CPN1: variants seen among roughly 807,000 people sequenced by gnomAD.
The protein encoded by CPN1 is carboxypeptidase N catalytic chain.
A neutral mutation model predicts 46.4 loss-of-function variants in CPN1; 37 were observed. That is an observed-to-expected ratio of 0.80 (90% CI 0.61 to 1.05). The LOEUF is 1.05. Among genes scored for constraint, CPN1 ranks in the 50% least tolerant of loss-of-function variants. The pLI is 0.00. For missense variants in CPN1, 563 were observed against 602.6 expected (o/e 0.93, Z 0.69); for synonymous variants, 224 against 235.4 (o/e 0.95, Z 0.44).
chr10:100,061,002 T>C (rs1442601315), intron 5 of CPN1, among the ~76,000 whole-genome samples: 1 of 151,814 alleles, frequency 6.6e-6, no homozygotes, highest in Admixed American at 6.6e-5. Flanking sequence ...AGACTTTGCA[T>C]GTTCTTTCTC....
chr10:100,074,768 A>T (rs2041504916), intron 2 of CPN1, among the ~76,000 whole-genome samples: 1 of 152,126 alleles, frequency 6.6e-6, no homozygotes, highest in Non-Finnish European at 1.5e-5. Flanking sequence ...CCATTGCATA[A>T]GGCAGATCGA....
intron 8 of CPN1, among the ~76,000 whole-genome samples, chr10:100,043,400 GA>G (rs11395382): frequency 4.8e-5 from 7 of 147,272 alleles, no homozygotes; most frequent in South Asian, 2.2e-4. Context: ...ATCTCAAAAA[GA>G]AAAAAAAAAG....
Position 100,042,522 on chromosome 10 carries a change from C to A in CPN1, c.1282G>T (p.Ala428Ser), listed in dbSNP as rs147639368. The A allele has an allele frequency of 2.6e-5, 42 of 1,613,696 alleles. No homozygotes were observed. In the African/African-American group the frequency reaches 2.7e-4, roughly 10 times the overall value. Residue 428 changes from alanine to serine, a missense_variant, in exon 9 of 9, where the codon GCT becomes TCT. Ala to Ser is a moderately conservative substitution (Grantham distance 99). Coordinates refer to ENST00000370418, the MANE Select transcript of CPN1 (RefSeq NM_001308.3). ...SIPQVSPVRR[A>S]PSRRHGVRAK... is the part of the protein sequence containing the mutation. Reference sequence around the variant, plus strand: ...CTGACTCCGTGCCTTCTGCTGGGAGCTCTCCTCACAGGGCTTACTTGAGGG... The same window carrying A: ...CTGACTCCGTGCCTTCTGCTGGGAGATCTCCTCACAGGGCTTACTTGAGGG...
At chr10:100,077,485 C>G (rs1445242172) in intron 1 of CPN1, among the ~76,000 whole-genome samples, 2 of 152,134 alleles carry the variant, frequency 1.3e-5, no homozygotes, top group East Asian at 3.8e-4. Flanking sequence ...CCCGCCTTGG[C>G]CTCCCAAAGT....
At position 100,069,805 on chromosome 10, in the gene CPN1, T is replaced by C. The variant is rs750449248; in HGVS notation, c.485A>G (p.Asn162Ser). The C allele has an allele frequency of 1.4e-5, 22 of 1,613,840 alleles. No homozygotes were observed. The highest frequency in any genetic ancestry group is 2.2e-5 in the South Asian group (2 of 91,074). Residue 162 changes from asparagine (N) to serine (S), a missense_variant, in exon 3 of 9, where the codon AAC (asparagine) becomes AGC (serine). Physicochemically the swap from Asn to Ser is conservative, Grantham distance 46. Transcript: ENST00000370418. ...NNANGVDLNR[N>S]FPDLNTYIYY... ...GATATAGGTATTGAGATCAGGGAAG[T>C]TGCGGTTCAGGTCCACTCCATTTGC...
At chr10:100,071,869 A>C (rs2041487652) in intron 2 of CPN1, among the ~76,000 whole-genome samples, 1 of 152,222 alleles carries the variant, frequency 6.6e-6, no homozygotes, top group Non-Finnish European at 1.5e-5. Flanking sequence ...TGAGCATCCA[A>C]GGATTTTGAT....
At chr10:100,069,292 G>A (rs1167152203) in intron 3 of CPN1, among the ~76,000 whole-genome samples, 1 of 152,206 alleles carries the variant, frequency 6.6e-6, no homozygotes, top group Non-Finnish European at 1.5e-5. Context: ...GACCAGCCTG[G>A]TCAAACGGTG....
chr10:100,080,775 C>T (rs1039191289), intron 1 of CPN1, among the ~76,000 whole-genome samples: 19 of 151,964 alleles, frequency 1.3e-4, no homozygotes, highest in Non-Finnish European at 2.9e-5. Flanking sequence ...TGCCTGTGGT[C>T]CCAGCTACCT....
chr10:100,067,880 G>A (rs1452346392), intron 3 of CPN1, among the ~76,000 whole-genome samples: 3 of 152,098 alleles, frequency 2.0e-5, no homozygotes, highest in Non-Finnish European at 4.4e-5. Context: ...GGGGCCAGGT[G>A]TGGTGGCTCA....
At chr10:100,066,999 A>T (rs74152966) in intron 3 of CPN1, among the ~76,000 whole-genome samples, 6,820 of 152,260 alleles carry the variant, frequency 0.045, 281 homozygotes, top group African/African-American at 0.11. Flanking sequence ...TAGACAGAGG[A>T]TTGAGTGGGA....
At chr10:100,070,167 A>T (rs1360249122) in intron 2 of CPN1, among the ~76,000 whole-genome samples, 5 of 151,532 alleles carry the variant, frequency 3.3e-5, no homozygotes, top group Non-Finnish European at 7.4e-5. Flanking sequence ...GGCTCAAGTG[A>T]TCCACCCACC....
chr10:100,048,997 C>T (rs1205897660), intron 7 of CPN1, 121 bp from the exon 8 acceptor site: 2 of 708,752 alleles, frequency 2.8e-6, no homozygotes, highest in African/African-American at 1.8e-5. Context: ...CTTGCTCTGT[C>T]ACCCAGGCTG....
chr10:100,078,123 A>G (rs2133450119), intron 1 of CPN1, among the ~76,000 whole-genome samples: 1 of 152,084 alleles, frequency 6.6e-6, no homozygotes, highest in South Asian at 2.1e-4. Context: ...ATAGCTCAGG[A>G]TAGCCTCTCG....
At chr10:100,055,755 C>CTCAGG (rs2041381691) in intron 6 of CPN1, among the ~76,000 whole-genome samples, 1 of 152,200 alleles carries the variant, frequency 6.6e-6, no homozygotes, top group African/African-American at 2.4e-5. Context: ...AACTCCCAAA[C>CTCAGG]TCAGGTGATC....
At position 100,065,233 on chromosome 10, in the gene CPN1, G is replaced by C. The variant is rs772717849; in HGVS notation, c.714C>G (p.Arg238=). 4.6e-5 allele frequency: 75 copies of C among 1,613,998 alleles called. No individual in the cohort carries two copies. The highest frequency in any genetic ancestry group is 6.0e-5 in the Non-Finnish European group (71 of 1,180,004). Reference sequence around the variant, plus strand: ...CAGGCGTGGGGGTGCTGGCGGTGCGGCGGACCCCTCGGACCCGGTGCTCAA... The same window carrying C: ...CAGGCGTGGGGGTGCTGGCGGTGCGCCGGACCCCTCGGACCCGGTGCTCAA... ...KSFEHRVRGV[R]RTASTPTPDD... The change falls in exon 4 of 9, where the codon CGC becomes CGG. Residue 238 remains arginine (R), a synonymous_variant. Transcript: ENST00000370418.
At chr10:100,063,261 C>G (rs1433037953) in intron 5 of CPN1, among the ~76,000 whole-genome samples, 2 of 152,098 alleles carry the variant, frequency 1.3e-5, no homozygotes, top group African/African-American at 4.8e-5. Context: ...GCTGGGACTA[C>G]AGGCGCCCGC....
In CPN1 at chr10:100,081,473, A is replaced by G. The variant is rs758431094; in HGVS notation, c.153T>C (p.Ile51=). The stretch of plus-strand genomic sequence containing the variant: ...GGTGTCTCCCCTCCACGCTGCGCCC[A>G]ATGCTGTAGACCCGCGTGATGCCGG... ...ECPGITRVYS[I]GRSVEGRHLY... The change falls in exon 1 of 9, where the codon ATT becomes ATC. Residue 51 remains isoleucine (I), a synonymous_variant. Coordinates refer to ENST00000370418, the MANE Select transcript of CPN1 (RefSeq NM_001308.3). 3 of 1,614,046 alleles carry G rather than the reference A, an allele frequency of 1.9e-6. No homozygotes were observed. Among genetic ancestry groups the G allele is most frequent in the Non-Finnish European group, 1.7e-6 (2 of 1,180,026 alleles).
In CPN1 at chr10:100,063,287, A is replaced by C. The variant is rs1265697256; in HGVS notation, c.871+327T>G. 2.0e-5 allele frequency among the ~76,000 whole-genome samples: 3 copies of C among 151,688 alleles called. No homozygotes were observed. In the East Asian group the frequency reaches 5.9e-4, roughly 30 times the overall value. ...AGGCGCCCGCCACCACACCCGGCTA[A>C]TTTTTTCATATTTTTAGTAGAGACG... On this transcript the variant is annotated intron_variant, in intron 5 of 8. Coordinates refer to ENST00000370418, the MANE Select transcript of CPN1 (RefSeq NM_001308.3).
At chr10:100,064,716 A>G (rs2041442948) in intron 4 of CPN1, among the ~76,000 whole-genome samples, 1 of 152,132 alleles carries the variant, frequency 6.6e-6, no homozygotes, top group South Asian at 2.1e-4. Context: ...GCCATTTTAT[A>G]TATTAATATA....
Sources: allele counts gnomAD v4.1 joint callset (sites outside exome capture counted in the v4.1 genomes callset), GRCh38; gene constraint gnomAD v4.1.1; transcripts MANE v1.5; gene names NCBI Gene and HGNC (gene_info 2026-07-23, HGNC 2026-07-21).